Variants in CHLSN observed in about 807,000 individuals in gnomAD.
The protein encoded by CHLSN is protein cholesin.
chr7:1,032,494 G>A, the CHLSN span, among the ~76,000 whole-genome samples: 33 of 150,346 alleles, frequency 2.2e-4, no homozygotes, highest in Admixed American at 1.3e-3. Context: ...GTGGCCCTCA[G>A]AGGCCGCAGC....
At chr7:1,009,051 A>ACACGTG in the CHLSN span, among the ~76,000 whole-genome samples, 2 of 148,436 alleles carry the variant, frequency 1.3e-5, no homozygotes, top group Non-Finnish European at 3.0e-5. Flanking sequence ...GCACACACGT[A>ACACGTG]CACGTGCACG....
At chr7:1,116,312 G>A in the CHLSN span, among the ~76,000 whole-genome samples, 8 of 129,768 alleles carry the variant, frequency 6.2e-5, no homozygotes, top group African/African-American at 1.9e-4. Flanking sequence ...ACAGCTCTAC[G>A]GACAGGCTTC....
At chr7:1,032,499 C>T in the CHLSN span, among the ~76,000 whole-genome samples, 701 of 142,222 alleles carry the variant, frequency 4.9e-3, 1 homozygote, top group Non-Finnish European at 7.7e-3. Context: ...CCTCAGAGGC[C>T]GCAGCCACCC....
At chr7:1,006,399 G>A in the CHLSN span, among the ~76,000 whole-genome samples, 34 of 148,980 alleles carry the variant, frequency 2.3e-4, no homozygotes, top group South Asian at 6.4e-4. Flanking sequence ...AGCGCACGAC[G>A]GCCATACTGC....
At chr7:986,496 T>G in the CHLSN span, 16 of 1,110,912 alleles carry the variant, frequency 1.4e-5, no homozygotes, top group African/African-American at 2.5e-4. Context: ...CCCCGTTCTG[T>G]GGCCGCCTCC....
At chr7:1,097,129 T>TA in the CHLSN span, among the ~76,000 whole-genome samples, 4 of 152,180 alleles carry the variant, frequency 2.6e-5, no homozygotes, top group Admixed American at 2.6e-4. The surrounding 1 kb of genome is among the most constrained non-coding windows in gnomAD (Gnocchi z 4.3). Context: ...GCACACAGAC[T>TA]ACGCGAGTAC....
chr7:1,113,133 G>A, the CHLSN span, among the ~76,000 whole-genome samples: 41 of 152,098 alleles, frequency 2.7e-4, no homozygotes, highest in African/African-American at 9.9e-4. Context: ...ACGTACAACC[G>A]TGGACTCTGG....
chr7:1,118,653 A>C, the CHLSN span, among the ~76,000 whole-genome samples: 5 of 152,090 alleles, frequency 3.3e-5, no homozygotes, highest in Admixed American at 2.6e-4. Flanking sequence ...ACTGTCCAAA[A>C]AAACAATGAA....
At chr7:1,038,419 C>T in the CHLSN span, among the ~76,000 whole-genome samples, 5 of 85,022 alleles carry the variant, frequency 5.9e-5, no homozygotes, top group East Asian at 3.0e-4. Flanking sequence ...CCACCCCGTC[C>T]GGGAGGGAGA....
At chr7:1,102,032 C>G in the CHLSN span, among the ~76,000 whole-genome samples, 1 of 152,242 alleles carries the variant, frequency 6.6e-6, no homozygotes. Flanking sequence ...CAGCAGAGCG[C>G]TCTCCCCACA....
the CHLSN span, among the ~76,000 whole-genome samples, chr7:1,040,504 A>C: frequency 6.6e-6 from 1 of 152,196 alleles, no homozygotes; most frequent in Non-Finnish European, 1.5e-5. Flanking sequence ...CAAAAACAAA[A>C]AACAAAACCA....
the CHLSN span, chr7:1,093,372 C>T: frequency 9.2e-6 from 4 of 432,888 alleles, no homozygotes; most frequent in Middle Eastern, 4.0e-4. Flanking sequence ...AGCTAGCTAG[C>T]GCACCGCCGA....
At chr7:1,016,855 G>GCACACAGCAC in the CHLSN span, among the ~76,000 whole-genome samples, 86 of 73,050 alleles carry the variant, frequency 1.2e-3, 4 homozygotes, top group Middle Eastern at 8.8e-3. Flanking sequence ...GCACACAGCA[G>GCACACAGCAC]CACACAGCAC....
At chr7:993,648 C>T in the CHLSN span, among the ~76,000 whole-genome samples, 7 of 152,122 alleles carry the variant, frequency 4.6e-5, no homozygotes, top group Non-Finnish European at 8.8e-5. Context: ...GTAGTGGTAG[C>T]AACTGTGTTC....
At chr7:1,015,292 C>T in the CHLSN span, among the ~76,000 whole-genome samples, 102 of 152,150 alleles carry the variant, frequency 6.7e-4, no homozygotes, top group African/African-American at 2.3e-3. Flanking sequence ...GGCTCCCCGT[C>T]CCCCGGGCAT....
chr7:1,012,182 A>G, the CHLSN span, among the ~76,000 whole-genome samples: 3 of 152,236 alleles, frequency 2.0e-5, no homozygotes, highest in Admixed American at 1.3e-4. Flanking sequence ...GCCAAAGTCC[A>G]TAACACTGTT....
the CHLSN span, among the ~76,000 whole-genome samples, chr7:1,041,130 A>G: frequency 2.2e-5 from 3 of 136,454 alleles, no homozygotes; most frequent in Non-Finnish European, 5.1e-5. Flanking sequence ...GAATGGAGAG[A>G]CTGCAGGAGG....
chr7:1,033,723 T>C, the CHLSN span, among the ~76,000 whole-genome samples: 2 of 150,906 alleles, frequency 1.3e-5, no homozygotes, highest in Non-Finnish European at 3.0e-5. Flanking sequence ...CTGAGTGAGG[T>C]GAGGAGACAC....
the CHLSN span, among the ~76,000 whole-genome samples, chr7:1,034,841 T>TTTG: frequency 0.02 from 2,928 of 148,802 alleles, 90 homozygotes; most frequent in African/African-American, 0.068. Flanking sequence ...TGTTCCCTTC[T>TTTG]TTGTGCTCAT....
Sources: allele counts gnomAD v4.1 joint callset (sites outside exome capture counted in the v4.1 genomes callset), GRCh38; gene constraint gnomAD v4.1.1; non-coding constraint Gnocchi (gnomAD v3.1); transcripts MANE v1.5; gene names NCBI Gene and HGNC (gene_info 2026-07-23, HGNC 2026-07-21).